The following TMPRSS15 variants were observed in gnomAD, a reference collection of about 807,000 sequenced individuals.
The protein encoded by TMPRSS15 is transmembrane serine protease 15.
In TMPRSS15, 128 loss-of-function variants were observed where a neutral mutation model predicts 125.3. That is an observed-to-expected ratio of 1.02 (90% CI 0.89 to 1.18). The LOEUF is 1.18. Ranked by LOEUF, TMPRSS15 falls within the 50% of genes most tolerant of loss-of-function variation. The pLI is 0.00. For synonymous variants in TMPRSS15, 446 were observed against 423.2 expected, an observed-to-expected ratio of 1.05 and a Z score of -0.66; for missense variants, 1,283 against 1,212.7, an observed-to-expected ratio of 1.06 and a Z score of -0.86.
Position 18,398,298 on chromosome 21 carries a change from T to C in TMPRSS15, c.177A>G (p.Arg59=). The change falls in exon 2 of 25, where the codon AGA becomes AGG. Residue 59 remains arginine, a synonymous_variant. Coordinates refer to ENST00000284885, the MANE Select transcript of TMPRSS15 (RefSeq NM_002772.3). ...CTCCGGATGTTATTTTAAATGTCGCTCTGGCTTCATGACTCTGTCCAAGTG... is the reference window on the plus strand; with the variant it reads ...CTCCGGATGTTATTTTAAATGTCGCCCTGGCTTCATGACTCTGTCCAAGTG... The part of the protein sequence containing the change: ...GAALGQSHEA[R]ATFKITSGVT... 6.2e-7 allele frequency: 1 copy of C among 1,613,852 alleles called. No individual in the cohort carries two copies. The highest frequency in any genetic ancestry group is 8.5e-7 in the Non-Finnish European group (1 of 1,179,776).
At chr21:18,344,830 G>A (rs945912369) in intron 10 of TMPRSS15, among the ~76,000 whole-genome samples, 5 of 152,300 alleles carry the variant, frequency 3.3e-5, no homozygotes, top group Non-Finnish European at 5.9e-5. Context: ...CGAGAATCAT[G>A]TAACTAAATA....
At chr21:18,407,997 T>C (rs961098753), upstream of TMPRSS15, among the ~76,000 whole-genome samples, 9 of 152,098 alleles carry the variant, frequency 5.9e-5, no homozygotes, top group African/African-American at 2.2e-4. Context: ...GAAAGAGACT[T>C]GAGGATAGTT....
At chr21:18,474,405 C>T (rs1402258941) in intron 1 of TMPRSS15, among the ~76,000 whole-genome samples, 1 of 151,960 alleles carries the variant, frequency 6.6e-6, no homozygotes, top group African/African-American at 2.4e-5. Context: ...ATTCTCCTGC[C>T]TCAGTCTCCC....
intron 1 of TMPRSS15, among the ~76,000 whole-genome samples, chr21:18,483,773 T>C (rs1979029118): frequency 6.6e-6 from 1 of 151,912 alleles, no homozygotes; most frequent in Non-Finnish European, 1.5e-5. Context: ...ATACAAAAAA[T>C]GCACAAATCA....
chr21:18,451,856 CA>C (rs928736586), intron 1 of TMPRSS15, among the ~76,000 whole-genome samples: 1 of 152,080 alleles, frequency 6.6e-6, no homozygotes, highest in Non-Finnish European at 1.5e-5. Context: ...CAATCAATGT[CA>C]AAGTTCACAG....
chr21:18,465,051 G>A (rs1359062489), intron 1 of TMPRSS15, among the ~76,000 whole-genome samples: 2 of 152,118 alleles, frequency 1.3e-5, no homozygotes, highest in African/African-American at 4.8e-5. Context: ...ACATCAAAAA[G>A]CTTATCCACC....
At chr21:18,468,300 C>T (rs780245808) in intron 1 of TMPRSS15, among the ~76,000 whole-genome samples, 1 of 152,166 alleles carries the variant, frequency 6.6e-6, no homozygotes, top group Non-Finnish European at 1.5e-5. Flanking sequence ...TCTCCCACTA[C>T]AGCATCACAC....
chr21:18,345,762 A>AAAAAAAAAAAC (rs2075501908), intron 10 of TMPRSS15, among the ~76,000 whole-genome samples: 1 of 143,676 alleles, frequency 7.0e-6, no homozygotes, highest in African/African-American at 2.5e-5. Flanking sequence ...AAAAAAAAAA[A>AAAAAAAAAAAC]TCCACTGAAT....
Position 18,368,206 on chromosome 21 carries a change from C to T in TMPRSS15, c.665-2958G>A, listed in dbSNP as rs977797185. Among the ~76,000 whole-genome samples the T allele has an allele frequency of 3.5e-4, 54 of 152,158 alleles. 1 individual carries two copies. Among genetic ancestry groups the T allele is most frequent in the African/African-American group, 2.7e-4 (11 of 41,428 alleles). ...AGTCATTTTTCCCACCTGTTCACTA[C>T]GCATTTTTTTGGGAAAGGTATCAAC... On this transcript the variant is annotated intron_variant, in intron 6 of 24. Transcript: ENST00000284885.
chr21:18,301,315 G>C (rs1374574366), intron 18 of TMPRSS15, among the ~76,000 whole-genome samples: 1 of 152,086 alleles, frequency 6.6e-6, no homozygotes, highest in Non-Finnish European at 1.5e-5. Flanking sequence ...TTCTTTGTAA[G>C]CACAGTAAAC....
chr21:18,318,082 G>A (rs1056054802), intron 16 of TMPRSS15, among the ~76,000 whole-genome samples: 5 of 152,124 alleles, frequency 3.3e-5, no homozygotes, highest in African/African-American at 1.2e-4. Context: ...AGATAGCTGT[G>A]TAAATAAAGA....
At chr21:18,292,654 T>C (rs997087) in intron 21 of TMPRSS15, among the ~76,000 whole-genome samples, 124,136 of 152,182 alleles carry the variant, frequency 0.82, 50,757 homozygotes, top group Non-Finnish European at 0.83. Context: ...AAATTCAAGG[T>C]TGATATAGCA....
intron 1 of TMPRSS15, among the ~76,000 whole-genome samples, chr21:18,455,517 C>A (rs1385756939): frequency 6.6e-6 from 1 of 152,168 alleles, no homozygotes; most frequent in African/African-American, 2.4e-5. Context: ...CAAGAAATAT[C>A]AGGGCTTCAG....
In TMPRSS15 at chr21:18,345,740, C is replaced by CAAAAAAAAAAAAAAAAAAAAAAAAAA. The variant is rs1235619873; in HGVS notation, c.1172-1681_1172-1680insTTTTTTTTTTTTTTTTTTTTTTTTTT. Among the ~76,000 whole-genome samples the CAAAAAAAAAAAAAAAAAAAAAAAAAA allele has an allele frequency of 1.3e-4, 2 of 15,562 alleles. 1 individual carries two copies. Among genetic ancestry groups the CAAAAAAAAAAAAAAAAAAAAAAAAAA allele is most frequent in the Non-Finnish European group, 2.8e-4 (2 of 7,266 alleles). 10.2% of individuals were successfully genotyped at this position (15,562 alleles called of 152,430 possible). A position where few individuals can be genotyped will look rare whatever the true frequency, so the allele number is the denominator to read the frequency against. ...TAGGCGACAGAGTGAGACTCCGTCT[C>CAAAAAAAAAAAAAAAAAAAAAAAAAA]AAAAAAAAAAAAAAAAAAAAAATCC... is the stretch of plus-strand genomic sequence containing the variant. On this transcript the variant is annotated intron_variant, in intron 10 of 24. Transcript: ENST00000284885.
At chr21:18,396,430 G>A (rs564316625) in intron 3 of TMPRSS15, among the ~76,000 whole-genome samples, 5 of 152,110 alleles carry the variant, frequency 3.3e-5, no homozygotes, top group Admixed American at 1.3e-4. Flanking sequence ...GTTATTTAAG[G>A]CGGAATAATT....
At chr21:18,319,422 ATTT>A (rs35796863) in intron 16 of TMPRSS15, among the ~76,000 whole-genome samples, 49 of 105,304 alleles carry the variant, frequency 4.7e-4, no homozygotes, top group African/African-American at 1.6e-3. Flanking sequence ...TTCTTCACCG[ATTT>A]TTTTTTTTTT....
At chr21:18,336,033 T>C (rs1337956655) in intron 13 of TMPRSS15, among the ~76,000 whole-genome samples, 4 of 152,082 alleles carry the variant, frequency 2.6e-5, no homozygotes, top group African/African-American at 9.7e-5. Context: ...GCATATACTA[T>C]GTAAATAACA....
intron 3 of TMPRSS15, among the ~76,000 whole-genome samples, chr21:18,395,732 C>T (rs992172161): frequency 6.6e-6 from 1 of 152,026 alleles, no homozygotes; most frequent in African/African-American, 2.4e-5. Flanking sequence ...AGACATAAAC[C>T]TTAAATATCA....
chr21:18,430,293 T>C (rs2076213818), intron 1 of TMPRSS15, among the ~76,000 whole-genome samples: 1 of 152,190 alleles, frequency 6.6e-6, no homozygotes, highest in Admixed American at 6.5e-5. Context: ...TTAAATGGTT[T>C]CTCTCAAAAG....
Sources: gnomAD v4.1 joint callset for allele counts (sites outside exome capture counted in the v4.1 genomes callset) on GRCh38, gnomAD v4.1.1 for gene constraint, MANE v1.5 for transcripts, NCBI Gene and HGNC (gene_info 2026-07-23, HGNC 2026-07-21) for gene names.